ABTB3: variants seen among roughly 807,000 people sequenced by gnomAD.
ABTB3 encodes ankyrin repeat and BTB domain containing 3, also known as ankyrin repeat- and BTB/POZ domain-containing protein 3.
the ABTB3 span, among the ~76,000 whole-genome samples, chr12:107,536,823 T>G: frequency 3.9e-5 from 6 of 152,130 alleles, no homozygotes; most frequent in African/African-American, 1.4e-4. Context: ...GTGTGGAGGA[T>G]CCTCCAAAAA....
At chr12:107,415,452 T>A in the ABTB3 span, among the ~76,000 whole-genome samples, 3 of 152,078 alleles carry the variant, frequency 2.0e-5, no homozygotes, top group Admixed American at 6.6e-5. Context: ...CTCACACCTG[T>A]AATCCGAGCA....
At chr12:107,370,757 ATTTTTTTT>A in the ABTB3 span, among the ~76,000 whole-genome samples, 33 of 87,468 alleles carry the variant, frequency 3.8e-4, 1 homozygote, top group African/African-American at 1.1e-3. Context: ...CAAAAAAGGG[ATTTTTTTT>A]TTTTTTTTTT....
At chr12:107,351,548 A>T in the ABTB3 span, among the ~76,000 whole-genome samples, 1 of 152,122 alleles carries the variant, frequency 6.6e-6, no homozygotes, top group African/African-American at 2.4e-5. Flanking sequence ...GACCTTTAAG[A>T]GATAATTAGA....
the ABTB3 span, among the ~76,000 whole-genome samples, chr12:107,478,592 T>C: frequency 6.6e-6 from 1 of 152,160 alleles, no homozygotes; most frequent in African/African-American, 2.4e-5. Flanking sequence ...ACCTTTTCCA[T>C]CATGTGAAGA....
At chr12:107,518,794 A>G in the ABTB3 span, among the ~76,000 whole-genome samples, 2 of 152,044 alleles carry the variant, frequency 1.3e-5, no homozygotes, top group African/African-American at 4.8e-5. Flanking sequence ...GGTTGGAAAC[A>G]CAGCAGGTGT....
the ABTB3 span, among the ~76,000 whole-genome samples, chr12:107,619,398 G>A: frequency 6.6e-6 from 1 of 152,232 alleles, no homozygotes; most frequent in South Asian, 2.1e-4. Flanking sequence ...GTTTTGCACA[G>A]AGGAGCAGCA....
At chr12:107,445,511 G>C in the ABTB3 span, among the ~76,000 whole-genome samples, 2 of 152,132 alleles carry the variant, frequency 1.3e-5, no homozygotes, top group Non-Finnish European at 2.9e-5. Context: ...GGTGCCCAGG[G>C]AGTGGGTGCC....
the ABTB3 span, among the ~76,000 whole-genome samples, chr12:107,331,585 T>C: frequency 5.9e-5 from 9 of 152,068 alleles, no homozygotes; most frequent in Non-Finnish European, 1.3e-4. Context: ...GTGCTGGTGG[T>C]GACACAAGCG....
the ABTB3 span, among the ~76,000 whole-genome samples, chr12:107,555,251 G>A: frequency 5.9e-5 from 9 of 152,340 alleles, no homozygotes; most frequent in South Asian, 1.9e-3. Flanking sequence ...CCTGGGGACA[G>A]CATCAGGGCA....
chr12:107,350,346 T>G, the ABTB3 span, among the ~76,000 whole-genome samples: 1 of 151,890 alleles, frequency 6.6e-6, no homozygotes, highest in East Asian at 1.9e-4. Context: ...GTCAGGAGAT[T>G]GAGACCATCC....
chr12:107,369,270 T>C, the ABTB3 span, among the ~76,000 whole-genome samples: 4 of 152,310 alleles, frequency 2.6e-5, no homozygotes, highest in East Asian at 5.8e-4. Flanking sequence ...TCTACTTTCA[T>C]ATATTGTGTT....
the ABTB3 span, chr12:107,609,925 C>A: frequency 2.3e-6 from 1 of 435,402 alleles, no homozygotes; most frequent in Non-Finnish European, 4.2e-6. Flanking sequence ...GTGCCTAGTC[C>A]ATAGTAAATA....
the ABTB3 span, among the ~76,000 whole-genome samples, chr12:107,532,460 G>C: frequency 2.8e-4 from 43 of 152,222 alleles, no homozygotes; most frequent in Admixed American, 5.9e-4. Context: ...TCATACAAAG[G>C]CTACACTGCT....
chr12:107,327,387 T>C, the ABTB3 span, among the ~76,000 whole-genome samples: 5 of 152,220 alleles, frequency 3.3e-5, no homozygotes, highest in African/African-American at 7.2e-5. Context: ...TTAAATGTCT[T>C]CTTACTCTTT....
the ABTB3 span, among the ~76,000 whole-genome samples, chr12:107,543,640 C>T: frequency 3.3e-5 from 5 of 152,158 alleles, no homozygotes; most frequent in Non-Finnish European, 2.9e-5. Flanking sequence ...TATGCAGGAA[C>T]GGGACGCAAA....
chr12:107,646,881 C>T, the ABTB3 span, among the ~76,000 whole-genome samples: 1 of 151,560 alleles, frequency 6.6e-6, no homozygotes, highest in African/African-American at 2.4e-5. Context: ...CTGCAGATGA[C>T]CGCTGACTAG....
At chr12:107,527,858 C>T in the ABTB3 span, among the ~76,000 whole-genome samples, 11 of 152,018 alleles carry the variant, frequency 7.2e-5, no homozygotes, top group East Asian at 1.9e-4. Flanking sequence ...TTCAATCGGA[C>T]GAGTTAAGCA....
the ABTB3 span, chr12:107,617,205 C>T: frequency 6.2e-7 from 1 of 1,613,914 alleles, no homozygotes; most frequent in South Asian, 1.1e-5. Flanking sequence ...GGTTCTCACC[C>T]TGGCCAGGGA....
At chr12:107,482,610 C>CAA in the ABTB3 span, among the ~76,000 whole-genome samples, 1 of 152,076 alleles carries the variant, frequency 6.6e-6, no homozygotes, top group Admixed American at 6.6e-5. Flanking sequence ...AGTAAATATG[C>CAA]ATGGGGTGCC....
Sources: gnomAD v4.1 joint callset for allele counts (sites outside exome capture counted in the v4.1 genomes callset) on GRCh38, gnomAD v4.1.1 for gene constraint, MANE v1.5 for transcripts, NCBI Gene and HGNC (gene_info 2026-07-23, HGNC 2026-07-21) for gene names.